Variants in SLC24A3 observed in about 807,000 individuals in gnomAD.
SLC24A3 encodes the protein solute carrier family 24 member 3, also known as sodium/potassium/calcium exchanger 3.
A neutral mutation model predicts 75.8 loss-of-function variants in SLC24A3; 28 were observed. That is an observed-to-expected ratio of 0.37 (90% CI 0.27 to 0.51). The LOEUF is 0.51. SLC24A3 is among the 20% of genes least tolerant of loss of function. The pLI is 0.94. For synonymous variants in SLC24A3, 372 were observed against 334.1 expected (o/e 1.11, Z -1.24); for missense variants, 663 against 847.8 (o/e 0.78, Z 2.71).
At chr20:19,685,547 G>T (rs966595510) in intron 12 of SLC24A3, among the ~76,000 whole-genome samples, 186 bp downstream of exon 12, 1 of 152,190 alleles carries the variant, frequency 6.6e-6, no homozygotes, top group Non-Finnish European at 1.5e-5. Context: ...CAAGATGGGG[G>T]TCCATGATCA....
At chr20:19,422,067 C>T (rs532668642) in intron 2 of SLC24A3, among the ~76,000 whole-genome samples, 1 of 152,244 alleles carries the variant, frequency 6.6e-6, no homozygotes, top group East Asian at 1.9e-4. Flanking sequence ...TTGAGGGTCA[C>T]TCCTGGGGTG....
Position 19,654,112 on chromosome 20 carries a change from G to T in SLC24A3, c.663G>T (p.Thr221=). 1 of 1,613,616 alleles carries T rather than the reference G, an allele frequency of 6.2e-7. No individual in the cohort carries two copies. The highest frequency in any genetic ancestry group is 8.5e-7 in the Non-Finnish European group (1 of 1,179,720). ...WCLLRDSIYY[T]LSVIALIVFI... ...TGCTGAGGGATTCTATTTACTACAC[G>T]CTGTCTGTGATCGCGCTCATCGTGG... The change falls in exon 7 of 17, where the codon ACG becomes ACT. Residue 221 remains threonine (T), a synonymous_variant. Transcript: ENST00000328041.
At chr20:19,435,733 T>G (rs552211052) in intron 2 of SLC24A3, among the ~76,000 whole-genome samples, 2 of 152,326 alleles carry the variant, frequency 1.3e-5, no homozygotes, top group South Asian at 4.1e-4. Context: ...TGAGAGTCTG[T>G]GATAGCTTTC....
chr20:19,235,954 C>A (rs1982153492), intron 1 of SLC24A3, among the ~76,000 whole-genome samples: 1 of 152,142 alleles, frequency 6.6e-6, no homozygotes, highest in East Asian at 1.9e-4. Flanking sequence ...GTGACAAACC[C>A]AATAAAGAAA....
At chr20:19,233,110 T>C (rs1982067963) in intron 1 of SLC24A3, among the ~76,000 whole-genome samples, 1 of 152,252 alleles carries the variant, frequency 6.6e-6, no homozygotes, top group African/African-American at 2.4e-5. Flanking sequence ...TTCTACATAC[T>C]GACTGTTCCT....
intron 2 of SLC24A3, among the ~76,000 whole-genome samples, chr20:19,332,323 A>G (rs1985018137): frequency 6.6e-6 from 1 of 151,976 alleles, no homozygotes; most frequent in South Asian, 2.1e-4. Flanking sequence ...CACCCCCTCA[A>G]CAGGGAGCAA....
chr20:19,307,817 G>T (rs936706283), intron 2 of SLC24A3, among the ~76,000 whole-genome samples: 9 of 152,120 alleles, frequency 5.9e-5, no homozygotes, highest in African/African-American at 1.9e-4. Flanking sequence ...AAAGTGTCTT[G>T]TTTGTAAAGC....
At position 19,313,028 on chromosome 20, in the gene SLC24A3, C is replaced by CTTTTTTTTTTTTTT. The variant is rs747623530; in HGVS notation, c.271+31954_271+31967dup. Among the ~76,000 whole-genome samples the CTTTTTTTTTTTTTT allele has an allele frequency of 1.2e-4, 8 of 68,322 alleles. 2 individuals are homozygous for CTTTTTTTTTTTTTT. The highest frequency in any genetic ancestry group is 6.6e-4 in the South Asian group (1 of 1,518). The allele number at this position is 68,322 out of a possible 152,430, so 44.8% of individuals were successfully genotyped here. ...TTCAAGTATTCTTCCTTTTCTCTTG[C>CTTTTTTTTTTTTTT]TTTTTTTTTTTTTTTTTTTTTTTTT... On this transcript the variant is annotated intron_variant, in intron 2 of 16. Coordinates refer to ENST00000328041, the MANE Select transcript of SLC24A3 (RefSeq NM_020689.4).
intron 6 of SLC24A3, among the ~76,000 whole-genome samples, chr20:19,611,897 G>A (rs188808105): frequency 6.0e-4 from 92 of 152,218 alleles, no homozygotes; most frequent in South Asian, 2.1e-3. Context: ...TCCTGGAATC[G>A]TTGCTTCCCG....
intron 7 of SLC24A3, among the ~76,000 whole-genome samples, chr20:19,660,136 AT>A (rs1033180035): frequency 2.6e-5 from 4 of 151,844 alleles, no homozygotes; most frequent in South Asian, 4.2e-4. Context: ...TGGGGTTCTT[AT>A]TTTTTTATTT....
chr20:19,581,986 G>A (rs1369745012), intron 4 of SLC24A3, among the ~76,000 whole-genome samples: 2 of 152,170 alleles, frequency 1.3e-5, no homozygotes, highest in Non-Finnish European at 2.9e-5. Flanking sequence ...TAACAAGAGT[G>A]GGTGCCCCGT....
At chr20:19,256,248 A>G (rs1346392188) in intron 1 of SLC24A3, among the ~76,000 whole-genome samples, 1 of 152,222 alleles carries the variant, frequency 6.6e-6, no homozygotes, top group Non-Finnish European at 1.5e-5. Flanking sequence ...CACATACTGT[A>G]CAATTCCATT....
intron 2 of SLC24A3, among the ~76,000 whole-genome samples, chr20:19,342,538 T>C (rs1985293473): frequency 6.6e-6 from 1 of 152,234 alleles, no homozygotes; most frequent in Admixed American, 6.5e-5. Flanking sequence ...TTGTTGAATA[T>C]TGAAAGACAT....
At chr20:19,696,572 T>A in intron 13 of SLC24A3, 1 of 434,084 alleles carries the variant, frequency 2.3e-6, no homozygotes, top group Non-Finnish European at 4.1e-6. Flanking sequence ...AAGGCCAATG[T>A]TTTGTTGGAA....
At chr20:19,232,296 C>G (rs895401271) in intron 1 of SLC24A3, among the ~76,000 whole-genome samples, 1 of 152,070 alleles carries the variant, frequency 6.6e-6, no homozygotes, top group Non-Finnish European at 1.5e-5. Context: ...TGATGATCAG[C>G]TCTCTTTATT....
At position 19,534,526 on chromosome 20, in the gene SLC24A3, T is replaced by TCAG. The variant is rs111625924; in HGVS notation, c.348+18964_348+18966dup. Among the ~76,000 whole-genome samples, 589 of 152,042 alleles carry TCAG rather than the reference T, an allele frequency of 3.9e-3. 4 individuals are homozygous for TCAG. The highest frequency in any genetic ancestry group is 0.013 in the African/African-American group (559 of 41,446). On this transcript the variant is annotated intron_variant, in intron 3 of 16. Coordinates refer to ENST00000328041, the MANE Select transcript of SLC24A3 (RefSeq NM_020689.4). ...CCCAGATTCACGTGATCTTCCTGCCTCAGCCTCCTGAGTAGCTGGGATTAC... is the reference window on the plus strand; with the variant it reads ...CCCAGATTCACGTGATCTTCCTGCCTCAGCAGCCTCCTGAGTAGCTGGGATTAC...
intron 1 of SLC24A3, among the ~76,000 whole-genome samples, chr20:19,244,499 G>C (rs916314575): frequency 1.3e-5 from 2 of 152,158 alleles, no homozygotes; most frequent in African/African-American, 2.4e-5. Flanking sequence ...AAGTCCCAGC[G>C]CTGGGCAAGT....
intron 7 of SLC24A3, among the ~76,000 whole-genome samples, chr20:19,660,958 A>G (rs1179136123): frequency 1.3e-5 from 2 of 152,134 alleles, no homozygotes; most frequent in East Asian, 3.9e-4. Flanking sequence ...GAGGAAGGAA[A>G]GTCCTGCTTT....
At chr20:19,559,113 A>G (rs1001035757) in intron 3 of SLC24A3, among the ~76,000 whole-genome samples, 7 of 152,162 alleles carry the variant, frequency 4.6e-5, no homozygotes, top group South Asian at 2.1e-4. Flanking sequence ...CAGCTGCTCT[A>G]TGCTCTCACA....
Sources: allele counts gnomAD v4.1 joint callset (sites outside exome capture counted in the v4.1 genomes callset), GRCh38; gene constraint gnomAD v4.1.1; transcripts MANE v1.5; gene names NCBI Gene and HGNC (gene_info 2026-07-23, HGNC 2026-07-21).